The following RILPL1 variants were observed in gnomAD, a reference collection of about 807,000 sequenced individuals.
RILPL1 encodes the protein Rab interacting lysosomal protein like 1.
RILPL1 carries 33 observed loss-of-function variants against 50.3 expected under a neutral mutation model. The ratio of observed to expected loss-of-function variants is 0.66; its 90% CI spans 0.50 to 0.88. RILPL1 has a LOEUF of 0.88. RILPL1 is among the 40% of genes least tolerant of loss of function. The pLI is 0.00. For missense variants in RILPL1, 418 were observed against 542.5 expected, an observed-to-expected ratio of 0.77 and a Z score of 2.28; for synonymous variants, 205 against 228.6, an observed-to-expected ratio of 0.90 and a Z score of 0.93.
At position 123,521,526 on chromosome 12, in the gene RILPL1, TATATAA is replaced by T. The variant is rs1286126987; in HGVS notation, c.460+1963_460+1968del. 6.7e-4 allele frequency among the ~76,000 whole-genome samples: 95 copies of T among 141,156 alleles called. 2 individuals carry two copies. The highest frequency in any genetic ancestry group is 2.3e-3 in the Admixed American group (32 of 13,702). 92.6% of individuals were successfully genotyped at this position (141,156 alleles called of 152,430 possible). ...ATATGTTTTTATAAATTTATATATA[TATATAA>T]ATATATGTATATATATGTGTGTATA... On this transcript the variant is annotated intron_variant, in intron 2 of 6. Coordinates refer to ENST00000376874, the MANE Select transcript of RILPL1 (RefSeq NM_178314.5).
Position 123,472,637 on chromosome 12 carries a change from CTG to C in RILPL1, c.1111_1112del (p.Gln371GlufsTer19). The C allele has an allele frequency of 4.4e-6, 7 of 1,596,216 alleles. No individual in the cohort carries two copies. The highest frequency in any genetic ancestry group is 6.0e-6 in the Non-Finnish European group (7 of 1,171,390). On this transcript the variant is annotated frameshift_variant, in exon 7 of 7. Transcript: ENST00000376874. LOFTEE classifies it high-confidence loss of function. ...AGGACTCCTGGATGTGCACGTTTCT[CTG>C]TGTGTTGGCCAGGCGCTTCTTATCT... ...SRDKKRLANT[Q>X]RNVHIQESFG...
chr12:123,528,433 G>GTTT (rs201546898), intron 1 of RILPL1, among the ~76,000 whole-genome samples: 1 of 141,278 alleles, frequency 7.1e-6, no homozygotes, highest in Non-Finnish European at 1.5e-5. Context: ...GTTGTTGTTT[G>GTTT]TTTTTTTTTT....
chr12:123,504,623 G>A (rs930680460), intron 2 of RILPL1, among the ~76,000 whole-genome samples: 3 of 152,066 alleles, frequency 2.0e-5, no homozygotes, highest in Non-Finnish European at 2.9e-5. Flanking sequence ...AAAGGGCAAC[G>A]TACTCCTGCC....
chr12:123,533,575 G>A lies in RILPL1; in HGVS notation c.-93C>T. On this transcript the variant is annotated 5_prime_UTR_variant, in exon 1 of 7. Transcript: ENST00000376874. This position sits in a 1 kb window ranked among gnomAD's most constrained non-coding sequence, Gnocchi z 6.2. ...GCCGGGCCGGCCGGGCCCAGCCTGGGCCGCGGGCGGGCGCGCTCAGCGGGC... is the reference window on the plus strand; with the variant it reads ...GCCGGGCCGGCCGGGCCCAGCCTGGACCGCGGGCGGGCGCGCTCAGCGGGC... 9.0e-7 allele frequency: 1 copy of A among 1,107,674 alleles called. No individual in the cohort carries two copies. Among genetic ancestry groups the A allele is most frequent in the Non-Finnish European group, 1.1e-6 (1 of 875,660 alleles). 68.6% of individuals were successfully genotyped at this position (1,107,674 alleles called of 1,614,324 possible).
chr12:123,503,061 G>C (rs1883500436), intron 2 of RILPL1, among the ~76,000 whole-genome samples: 1 of 150,444 alleles, frequency 6.6e-6, no homozygotes. Flanking sequence ...CTAATTTTTT[G>C]TATTTTTAGG....
chr12:123,532,583 G>A (rs1375740244), intron 1 of RILPL1, among the ~76,000 whole-genome samples: 1 of 151,764 alleles, frequency 6.6e-6, no homozygotes, highest in Non-Finnish European at 1.5e-5. Flanking sequence ...AGAGAACACG[G>A]GCTACCACAG....
At chr12:123,511,875 T>TTG (rs374249383) in intron 2 of RILPL1, among the ~76,000 whole-genome samples, 3 of 105,328 alleles carry the variant, frequency 2.8e-5, no homozygotes, top group African/African-American at 1.1e-4. Context: ...TGTGTGAGGT[T>TTG]TGTGTGTGTG....
chr12:123,512,551 GTGTGTGTGAGGTCTGTA>G (rs1463521716), intron 2 of RILPL1, among the ~76,000 whole-genome samples: 6 of 142,932 alleles, frequency 4.2e-5, no homozygotes, highest in Non-Finnish European at 9.2e-5. Context: ...TGTGTGTGGT[GTGTGTGTGAGGTCTGTA>G]TGTGTGTGAG....
chr12:123,515,432 T>C (rs1332244257), intron 2 of RILPL1: 1 of 151,448 alleles, frequency 6.6e-6, no homozygotes, highest in Non-Finnish European at 1.5e-5. Flanking sequence ...AGAGTGAATA[T>C]ATACTACAGT....
intron 2 of RILPL1, among the ~76,000 whole-genome samples, chr12:123,500,735 C>T (rs1459680847): frequency 1.3e-5 from 2 of 152,150 alleles, no homozygotes; most frequent in Non-Finnish European, 2.9e-5. Context: ...AGGGTGATAA[C>T]AGTCCCCGCA....
intron 2 of RILPL1, 83 bp from the exon 3 acceptor site, chr12:123,499,619 T>C: frequency 9.0e-7 from 1 of 1,109,404 alleles, no homozygotes; most frequent in Non-Finnish European, 1.4e-6. Context: ...AGGATGAAAC[T>C]GAGGTCTTAG....
intron 2 of RILPL1, among the ~76,000 whole-genome samples, chr12:123,502,758 T>G (rs951598731): frequency 1.3e-5 from 2 of 152,232 alleles, no homozygotes; most frequent in Admixed American, 1.3e-4. Context: ...AAATGACCAA[T>G]AATTGTGGTA....
In RILPL1 at chr12:123,522,889, G is replaced by C. The variant is rs1042306705; in HGVS notation, c.460+606C>G. Among the ~76,000 whole-genome samples the C allele has an allele frequency of 6.6e-6, 1 of 152,134 alleles. No homozygotes were observed. Among genetic ancestry groups the C allele is most frequent in the Non-Finnish European group, 1.5e-5 (1 of 68,020 alleles). On this transcript the variant is annotated intron_variant, in intron 2 of 6. Transcript: ENST00000376874. This position sits in a 1 kb window ranked among gnomAD's most constrained non-coding sequence, Gnocchi z 4.0. ...ATCACAGGTGTGAGCCACTGCGCGC[G>C]GCCTACACCGGCCTTCTTGGTTTCC...
At chr12:123,513,619 C>T (rs527650116) in intron 2 of RILPL1, 2 of 157,108 alleles carry the variant, frequency 1.3e-5, no homozygotes, top group African/African-American at 4.8e-5. Context: ...GTGCTCACAA[C>T]AGAGGGGCCC....
chr12:123,491,867 T>C lies in RILPL1; in HGVS notation c.802-6062A>G, dbSNP rs1438929986. Among the ~76,000 whole-genome samples, 1 of 151,174 alleles carries C rather than the reference T, an allele frequency of 6.6e-6. No individual in the cohort carries two copies. ...TAAAAATACACAAAAATGAGCTGGG[T>C]GTGGTGGCGCACACCTGTAATCCCA... On this transcript the variant is annotated intron_variant, in intron 4 of 6. Transcript: ENST00000376874. This position sits in a 1 kb window ranked among gnomAD's most constrained non-coding sequence, Gnocchi z 4.0.
intron 4 of RILPL1, among the ~76,000 whole-genome samples, chr12:123,487,309 C>T (rs1411030731): frequency 6.8e-6 from 1 of 146,740 alleles, no homozygotes; most frequent in African/African-American, 2.5e-5. Flanking sequence ...GCACTTCACT[C>T]TTTTTTTTTT....
intron 2 of RILPL1, among the ~76,000 whole-genome samples, chr12:123,516,716 G>A (rs1369896969): frequency 6.6e-6 from 1 of 152,200 alleles, no homozygotes; most frequent in Non-Finnish European, 1.5e-5. Flanking sequence ...AAGTCATGGT[G>A]GATGAGGGGG....
At position 123,510,797 on chromosome 12, in the gene RILPL1, ATG is replaced by A. The variant is rs533049350; in HGVS notation, c.461-11263_461-11262del. On this transcript the variant is annotated intron_variant, in intron 2 of 6. Coordinates refer to ENST00000376874, the MANE Select transcript of RILPL1 (RefSeq NM_178314.5). The stretch of plus-strand genomic sequence containing the variant: ...TGTGTGTGTGTGGTATATGTGTGTG[ATG>A]TGTGTGTGTAGTGTGTGAGGTCTGT... Among the ~76,000 whole-genome samples, 484 of 66,120 alleles carry A rather than the reference ATG, an allele frequency of 7.3e-3. 3 individuals are homozygous for A. Among genetic ancestry groups the A allele is most frequent in the South Asian group, 0.017 (26 of 1,534 alleles). The allele number at this position is 66,120 out of a possible 152,430, so 43.4% of individuals were successfully genotyped here.
chr12:123,512,061 GGTGTGTGAGGTCTGTGTGTGTGTGGT>G (rs1205286940), intron 2 of RILPL1, among the ~76,000 whole-genome samples: 1 of 123,158 alleles, frequency 8.1e-6, no homozygotes, highest in Admixed American at 8.5e-5. Flanking sequence ...GTCTGTGTGT[GGTGTGTGAGGTCTGTGTGTGTGTGGT>G]GTGTGTGAGG....
Sources: gnomAD v4.1 joint callset for allele counts (sites outside exome capture counted in the v4.1 genomes callset) on GRCh38, gnomAD v4.1.1 for gene constraint, Gnocchi (gnomAD v3.1) non-coding constraint, MANE v1.5 for transcripts, NCBI Gene and HGNC (gene_info 2026-07-23, HGNC 2026-07-21) for gene names.